CCDC51: variants seen among roughly 807,000 people sequenced by gnomAD.
CCDC51 encodes mitochondrial potassium channel.
Under a neutral mutation model 24.8 loss-of-function variants are expected in CCDC51, and 25 were observed. That is an observed-to-expected ratio of 1.01 (90% CI 0.73 to 1.41). CCDC51 has a LOEUF of 1.41. Among genes scored for constraint, CCDC51 ranks in the 40% most tolerant of loss-of-function variants. CCDC51 has a pLI of 0.00. For synonymous variants in CCDC51, 190 were observed against 204.3 expected, an observed-to-expected ratio of 0.93 and a Z score of 0.60; for missense variants, 466 against 519.1, an observed-to-expected ratio of 0.90 and a Z score of 0.99.
At chr3:48,438,296 T>C (rs1373099124) in intron 1 of CCDC51, 1 of 152,106 alleles carries the variant, frequency 6.6e-6, no homozygotes, top group Non-Finnish European at 1.5e-5. Context: ...TTACATGGTA[T>C]GCAAGTTATA....
upstream of CCDC51, chr3:48,440,602 C>T (rs1052073226): frequency 2.5e-6 from 4 of 1,611,642 alleles, no homozygotes; most frequent in Middle Eastern, 2.1e-4. Flanking sequence ...GAGCTAAAAG[C>T]GAAGGCCGCG....
chr3:48,442,730 G>A (rs368395086), upstream of CCDC51, among the ~76,000 whole-genome samples: 41 of 152,204 alleles, frequency 2.7e-4, no homozygotes, highest in East Asian at 4.5e-3. Context: ...GATTACAGGC[G>A]TGAGCCACCG....
upstream of CCDC51, among the ~76,000 whole-genome samples, chr3:48,443,204 G>A (rs1053614016): frequency 1.8e-4 from 24 of 133,676 alleles, no homozygotes; most frequent in Admixed American, 1.3e-3. Flanking sequence ...TTGCACCACC[G>A]CAGTCCAGCC....
upstream of CCDC51, chr3:48,440,765 C>T (rs1575430082): frequency 1.3e-5 from 10 of 764,012 alleles, no homozygotes; most frequent in African/African-American, 3.5e-5. Flanking sequence ...CGAATGGTCT[C>T]TAGCCAGTCT....
the CCDC51 span, chr3:48,446,651 C>G: frequency 3.5e-6 from 2 of 571,942 alleles, no homozygotes; most frequent in Non-Finnish European, 5.2e-6. Flanking sequence ...CCGGGCGGGG[C>G]CGGGTGTGGC....
Position 48,435,919 on chromosome 3 carries a change from C to G in CCDC51, c.-8-783G>C, listed in dbSNP as rs567998108. ...ATAAGCTTTCTCTTTCCTCTCCAAC[C>G]TGCCATTGCTCAACAGGTTAGGTTT... On this transcript the variant is annotated intron_variant, in intron 1 of 3. Transcript: ENST00000395694. This position sits in a 1 kb window ranked among gnomAD's most constrained non-coding sequence, Gnocchi z 4.2. Among the ~76,000 whole-genome samples, 1 of 152,340 alleles carries G rather than the reference C, an allele frequency of 6.6e-6. No homozygotes were observed. Among genetic ancestry groups the G allele is most frequent in the African/African-American group, 2.4e-5 (1 of 41,586 alleles).
Position 48,440,103 on chromosome 3 carries a change from G to C in CCDC51, c.-124C>G. On this transcript the variant is annotated 5_prime_UTR_variant, in exon 1 of 4. Coordinates refer to ENST00000395694, the MANE Select transcript of CCDC51 (RefSeq NM_001256964.2). ...AACCCTAGCTCCTCGTACCTGGCGTGGCCCGACCAATCGTCTGCCACTCAG... is the reference window on the plus strand; with the variant it reads ...AACCCTAGCTCCTCGTACCTGGCGTCGCCCGACCAATCGTCTGCCACTCAG... The C allele has an allele frequency of 3.4e-6, 3 of 881,470 alleles. No individual in the cohort carries two copies. In the South Asian group the frequency reaches 5.4e-5, roughly 16 times the overall value. The allele number at this position is 881,470 out of a possible 1,614,324, so 54.6% of individuals were successfully genotyped here. A position where few individuals can be genotyped will look rare whatever the true frequency, so the allele number is the denominator to read the frequency against.
intron 1 of CCDC51, among the ~76,000 whole-genome samples, chr3:48,438,477 T>C (rs1185277046): frequency 6.6e-6 from 1 of 152,102 alleles, no homozygotes; most frequent in African/African-American, 2.4e-5. Context: ...TTTTTTCCCA[T>C]AGCCTTCTCC....
chr3:48,432,488 T>C lies in CCDC51; in HGVS notation c.1156A>G (p.Thr386Ala), dbSNP rs1334084764. The C allele has an allele frequency of 6.2e-7, 1 of 1,614,224 alleles. No individual in the cohort carries two copies. The highest frequency in any genetic ancestry group is 8.5e-7 in the Non-Finnish European group (1 of 1,180,050). ...QRLEAQVNRNTIYSTLVTCVT... is the reference protein window; with the variant it reads ...QRLEAQVNRNAIYSTLVTCVT... The stretch of plus-strand genomic sequence containing the variant: ...CAGGTGACCAGGGTGCTATAGATGG[T>C]GTTCCTGTTGACTTGGGCTTCTAGT... The change falls in exon 4 of 4, where the codon ACC becomes GCC. Residue 386 changes from threonine (T) to alanine (A), a missense_variant. Physicochemically the swap from Thr to Ala is moderately conservative, Grantham distance 58. Transcript: ENST00000395694.
At chr3:48,440,293 C>A, upstream of CCDC51, 2 of 1,604,396 alleles carry the variant, frequency 1.2e-6, no homozygotes, top group South Asian at 2.2e-5. Flanking sequence ...CGGCGGCAGG[C>A]GCCATGTCCG....
chr3:48,442,021 G>A (rs9849509), upstream of CCDC51, among the ~76,000 whole-genome samples: 85,694 of 151,456 alleles, frequency 0.57, 24,271 homozygotes, highest in East Asian at 0.69. Context: ...ATTATTTAAG[G>A]CTAGGAGTTC....
At chr3:48,436,585 C>G (rs984225151) in intron 1 of CCDC51, among the ~76,000 whole-genome samples, 1 of 152,226 alleles carries the variant, frequency 6.6e-6, no homozygotes, top group Non-Finnish European at 1.5e-5. Context: ...CAGTCAGACT[C>G]CCAGGCCTCA....
At chr3:48,441,023 T>C (rs1490700001), upstream of CCDC51, 2 of 246,436 alleles carry the variant, frequency 8.1e-6, no homozygotes, top group Non-Finnish European at 1.6e-5. Flanking sequence ...TTGTTTTGTT[T>C]TGTTTTGTTT....
upstream of CCDC51, chr3:48,445,144 G>C (rs987247612): frequency 1.3e-5 from 2 of 151,118 alleles, no homozygotes; most frequent in Non-Finnish European, 1.5e-5. Flanking sequence ...CTGCACTCCA[G>C]CCTGGGAGAC....
At chr3:48,441,487 T>G (rs1469333144), upstream of CCDC51, among the ~76,000 whole-genome samples, 2 of 142,076 alleles carry the variant, frequency 1.4e-5, no homozygotes. Flanking sequence ...CTGGCCAACT[T>G]TTTTTTTTTT....
upstream of CCDC51, among the ~76,000 whole-genome samples, chr3:48,441,547 C>CT (rs1376556427): frequency 6.7e-6 from 1 of 149,836 alleles, no homozygotes; most frequent in East Asian, 1.9e-4. Flanking sequence ...CTTTCTGAGT[C>CT]TTTTTACTTC....
Position 48,432,960 on chromosome 3 carries a change from C to T in CCDC51, c.684G>A (p.Gln228=), listed in dbSNP as rs368373190. The T allele has an allele frequency of 1.2e-6, 2 of 1,614,066 alleles. No individual in the cohort carries two copies. The highest frequency in any genetic ancestry group is 1.7e-6 in the Non-Finnish European group (2 of 1,180,044). The change falls in exon 4 of 4, where the codon CAG becomes CAA. Residue 228 remains glutamine (Q), a synonymous_variant. Transcript: ENST00000395694. ...GSTYVNRVRL[Q]ELKALLLEAQ... is the part of the protein sequence containing the mutation. Reference sequence around the variant, plus strand: ...CCTCCAGGAGTAAAGCCTTCAGCTCCTGTAGTCGCACACGGTTCACATAGG... The same window carrying T: ...CCTCCAGGAGTAAAGCCTTCAGCTCTTGTAGTCGCACACGGTTCACATAGG...
chr3:48,441,035 A>T (rs748260487), upstream of CCDC51: 34 of 222,338 alleles, frequency 1.5e-4, no homozygotes, highest in Admixed American at 7.4e-4. Flanking sequence ...GTTTTGTTTG[A>T]GACAGAGTCT....
rs2039224070 is a variant in CCDC51, at chr3:48,432,889, G to A, written c.755C>T (p.Ala252Val). 4 of 1,614,022 alleles carry A rather than the reference G, an allele frequency of 2.5e-6. No homozygotes were observed. The South Asian group carries it at 3.3e-5, about 13-fold the overall frequency. Residue 252 changes from alanine to valine, a missense_variant, in exon 4 of 4, where the codon GCG becomes GTG. Coordinates refer to ENST00000395694, the MANE Select transcript of CCDC51 (RefSeq NM_001256964.2). ...CCTCTGCTGGCGGGAGTAGCTAGAC[G>A]CCTGTTCTCGAATGGCCTCTTGGAG... ...VSLQEAIREQ[A>V]SSYSRQQRDL...
Sources: gnomAD v4.1 joint callset for allele counts (sites outside exome capture counted in the v4.1 genomes callset) on GRCh38, gnomAD v4.1.1 for gene constraint, Gnocchi (gnomAD v3.1) non-coding constraint, MANE v1.5 for transcripts, NCBI Gene and HGNC (gene_info 2026-07-23, HGNC 2026-07-21) for gene names.